LRP2: variants seen among roughly 807,000 people sequenced by gnomAD.
LRP2 encodes LDL receptor related protein 2.
Under a neutral mutation model 531.0 loss-of-function variants are expected in LRP2, and 172 were observed. The observed-to-expected ratio is 0.32, with a 90% CI of 0.29 to 0.37. The LOEUF (loss-of-function observed/expected upper bound fraction) is 0.37. Among genes scored for constraint, LRP2 ranks in the 10% least tolerant of loss-of-function variants. The pLI, the probability that LRP2 is intolerant of heterozygous loss-of-function variation, is 1.00. For synonymous variants in LRP2, 1,992 were observed against 2,027.6 expected, an observed-to-expected ratio of 0.98 and a Z score of 0.47; for missense variants, 5,167 against 5,868.3, an observed-to-expected ratio of 0.88 and a Z score of 3.90.
intron 17 of LRP2, 141 bp from the exon 18 acceptor site, chr2:169,257,390 G>C: frequency 1.2e-6 from 1 of 815,786 alleles, no homozygotes; most frequent in East Asian, 2.8e-5. Context: ...AACATACTTA[G>C]TGTATAACTC....
At chr2:169,306,119 G>A (rs1684409586) in intron 4 of LRP2, among the ~76,000 whole-genome samples, 1 of 151,764 alleles carries the variant, frequency 6.6e-6, no homozygotes. Context: ...ATGAAATGCA[G>A]GACTGCACGA....
In LRP2 at chr2:169,221,830, A is replaced by G. The variant is rs1021963038; in HGVS notation, c.5539-1267T>C. On this transcript the variant is annotated intron_variant, in intron 33 of 78. Coordinates refer to ENST00000649046, the MANE Select transcript of LRP2 (RefSeq NM_004525.3). ...TCTCGGTTTGCCTCTTTCTGCTACA[A>G]TCTCTCTCCTTTTCCTAAGACTAAG... 3.3e-5 allele frequency among the ~76,000 whole-genome samples: 5 copies of G among 151,660 alleles called. No homozygotes were observed. In the East Asian group the frequency reaches 9.7e-4, roughly 29 times the overall value.
chr2:169,154,371 C>A, intron 66 of LRP2, 89 bp downstream of exon 66: 1 of 1,234,022 alleles, frequency 8.1e-7, no homozygotes, highest in Non-Finnish European at 1.2e-6. Flanking sequence ...AAAATTCACT[C>A]ATTAAACAAT....
intron 31 of LRP2, among the ~76,000 whole-genome samples, chr2:169,229,899 A>G (rs1379794275): frequency 6.6e-6 from 1 of 152,220 alleles, no homozygotes; most frequent in Non-Finnish European, 1.5e-5. Flanking sequence ...ATCAAGTAAA[A>G]TGTTTCCACC....
chr2:169,325,982 G>A (rs1201386393), intron 1 of LRP2, among the ~76,000 whole-genome samples: 11 of 151,784 alleles, frequency 7.2e-5, no homozygotes, highest in Admixed American at 7.2e-4. Context: ...CATCATTTAA[G>A]TGCAAAAATA....
chr2:169,193,808 T>A lies in LRP2; in HGVS notation c.8783A>T (p.Asp2928Val). Residue 2928 changes from aspartate (D) to valine (V), a missense_variant, in exon 47 of 79, where the codon GAT (aspartate) becomes GTT (valine). Physicochemically the swap from Asp to Val is radical, Grantham distance 152. Transcript: ENST00000649046. The stretch of plus-strand genomic sequence containing the variant: ...GTCACTCATATCCCCACAGTCATTA[T>A]CACCGTCACAGATCCATTCGCTTGG... ...CIPSEWICDGDNDCGDMSDED... is the reference protein window; with the variant it reads ...CIPSEWICDGVNDCGDMSDED... 6.2e-7 allele frequency: 1 copy of A among 1,614,188 alleles called. No individual in the cohort carries two copies. The highest frequency in any genetic ancestry group is 8.5e-7 in the Non-Finnish European group (1 of 1,180,026).
At chr2:169,350,642 T>G (rs1334082268) in intron 1 of LRP2, among the ~76,000 whole-genome samples, 1 of 145,000 alleles carries the variant, frequency 6.9e-6, no homozygotes, top group African/African-American at 2.6e-5. Flanking sequence ...GAGAATCGCT[T>G]GAACCTGGGA....
At chr2:169,182,607 A>G (rs1687482982) in intron 50 of LRP2, 4 of 985,436 alleles carry the variant, frequency 4.1e-6, no homozygotes, top group Non-Finnish European at 4.8e-6. Flanking sequence ...CTCATGCAGC[A>G]TAAGGCACCC....
rs370746046 is a variant in LRP2 at position 169,218,799 on chromosome 2, C to T, written c.5648+1655G>A. Among the ~76,000 whole-genome samples the T allele has an allele frequency of 1.6e-4, 24 of 152,188 alleles. No individual in the cohort carries two copies. In the East Asian group the frequency reaches 2.7e-3, roughly 17 times the overall value. On this transcript the variant is annotated intron_variant, in intron 34 of 78. Transcript: ENST00000649046. The stretch of plus-strand genomic sequence containing the variant: ...TCTGAACGTTCTTTCCTTTACTGCT[C>T]GAAAGATCTTGATACTCAGAATGAC...
chr2:169,163,675 A>G (rs1419529410), intron 62 of LRP2, among the ~76,000 whole-genome samples: 1 of 152,216 alleles, frequency 6.6e-6, no homozygotes, highest in Non-Finnish European at 1.5e-5. Context: ...AGAGAAAGAT[A>G]TAACCAAATA....
chr2:169,145,520 C>T lies in LRP2; in HGVS notation c.12988+227G>A, dbSNP rs537234643. ...GATGAGGGCTAATATTTTTACTTACCTGCTGATGGTTTGCATAATTTCATT... is the reference window on the plus strand; with the variant it reads ...GATGAGGGCTAATATTTTTACTTACTTGCTGATGGTTTGCATAATTTCATT... On this transcript the variant is annotated intron_variant, in intron 70 of 78. Coordinates refer to ENST00000649046, the MANE Select transcript of LRP2 (RefSeq NM_004525.3). Among the ~76,000 whole-genome samples, 7 of 152,308 alleles carry T rather than the reference C, an allele frequency of 4.6e-5. No homozygotes were observed. The South Asian group carries it at 1.2e-3, about 27-fold the overall frequency.
chr2:169,271,232 A>C, intron 15 of LRP2, 125 bp from the exon 16 acceptor site: 1 of 671,180 alleles, frequency 1.5e-6, no homozygotes, highest in East Asian at 2.8e-5. Flanking sequence ...AATAAATGTA[A>C]AAATAAATTT....
chr2:169,343,372 T>C (rs1310259722), intron 1 of LRP2, among the ~76,000 whole-genome samples: 2 of 152,192 alleles, frequency 1.3e-5, no homozygotes, highest in African/African-American at 2.4e-5. Flanking sequence ...GCAATTTCTA[T>C]GGATAGAGAA....
At chr2:169,313,614 G>A (rs577755704) in intron 3 of LRP2, among the ~76,000 whole-genome samples, 42 of 152,238 alleles carry the variant, frequency 2.8e-4, no homozygotes, top group African/African-American at 9.6e-4. Context: ...GGTGTCAGTC[G>A]GCCCCTACTG....
At chr2:169,140,616 G>T in intron 71 of LRP2, 71 bp from the exon 72 acceptor site, 1 of 1,202,198 alleles carries the variant, frequency 8.3e-7, no homozygotes, top group Non-Finnish European at 1.2e-6. Context: ...ATGCAAACCG[G>T]CCCAGGTTAG....
intron 6 of LRP2, 81 bp downstream of exon 6, chr2:169,294,067 G>T: frequency 1.1e-6 from 1 of 930,504 alleles, no homozygotes; most frequent in Non-Finnish European, 1.8e-6. Flanking sequence ...TGGTGGGGGA[G>T]CGGGGGGATA....
chr2:169,145,724 C>G, intron 70 of LRP2, 23 bp downstream of exon 70: 3 of 1,612,308 alleles, frequency 1.9e-6, no homozygotes, highest in Non-Finnish European at 2.5e-6. Flanking sequence ...TGAGGAGCAT[C>G]TTATACCAAA....
At chr2:169,287,767 T>A (rs1683896466) in intron 9 of LRP2, among the ~76,000 whole-genome samples, 1 of 151,120 alleles carries the variant, frequency 6.6e-6, no homozygotes, top group South Asian at 2.1e-4. Context: ...GACTAAAGAC[T>A]GAATAACTGC....
chr2:169,203,081 G>T, intron 42 of LRP2, 122 bp from the exon 43 acceptor site: 1 of 775,274 alleles, frequency 1.3e-6, no homozygotes, highest in South Asian at 1.5e-5. Flanking sequence ...CGCCATGGAA[G>T]TTCTGCCCAT....
Sources: gnomAD v4.1 joint callset for allele counts (sites outside exome capture counted in the v4.1 genomes callset) on GRCh38, gnomAD v4.1.1 for gene constraint, MANE v1.5 for transcripts, NCBI Gene and HGNC (gene_info 2026-07-23, HGNC 2026-07-21) for gene names.